Variants in IQUB observed in about 807,000 individuals in gnomAD.
IQUB encodes IQ motif and ubiquitin-like domain-containing protein.
In IQUB, 86 loss-of-function variants were observed where a neutral mutation model predicts 86.4. That is an observed-to-expected ratio of 1.00 (90% CI 0.84 to 1.19). The LOEUF (loss-of-function observed/expected upper bound fraction) is 1.19, where lower values mean the gene tolerates loss of function less well. Ranked by LOEUF, IQUB falls within the 50% of genes most tolerant of loss-of-function variation. IQUB has a pLI of 0.00. For synonymous variants in IQUB, 289 were observed against 304.5 expected (o/e 0.95, Z 0.53); for missense variants, 946 against 916.9 (o/e 1.03, Z -0.41).
rs118085240 is a variant in IQUB, at chr7:123,506,813, T to C, written c.532+3088A>G. On this transcript the variant is annotated intron_variant, in intron 3 of 12. Transcript: ENST00000324698. ...CTCTCTTTTCATAATCAGAAACTCA[T>C]ATAAATTAATTCATGCCACGGTAGA... is the stretch of plus-strand genomic sequence containing the variant. 5.1e-3 allele frequency among the ~76,000 whole-genome samples: 783 copies of C among 152,296 alleles called. 4 individuals are homozygous for C. Among genetic ancestry groups the C allele is most frequent in the Non-Finnish European group, 8.2e-3 (555 of 68,028 alleles).
chr7:123,512,390 T>C (rs1401997049), intron 1 of IQUB, 46 bp from the exon 2 acceptor site: 2 of 1,221,400 alleles, frequency 1.6e-6, no homozygotes, highest in African/African-American at 3.0e-5. Context: ...ATGAAGTTTC[T>C]ACACAAAAAA....
chr7:123,459,460 T>G (rs1401592682), intron 11 of IQUB, among the ~76,000 whole-genome samples: 1 of 151,958 alleles, frequency 6.6e-6, no homozygotes, highest in Non-Finnish European at 1.5e-5. Flanking sequence ...GTTCACCCTG[T>G]CCCCAAGTAA....
chr7:123,513,618 T>C (rs1396673442), intron 1 of IQUB, among the ~76,000 whole-genome samples: 2 of 152,006 alleles, frequency 1.3e-5, no homozygotes, highest in African/African-American at 2.4e-5. Flanking sequence ...GAAGGAAAAA[T>C]AGAAAGATAG....
rs150359350 is a variant in IQUB at position 123,521,651 on chromosome 7, AACAC to A, written c.-4-9311_-4-9308del. ...GATGGAGTGAGACCCTGTCTAAATA[AACAC>A]ACACACACACACACACACACACACA... is the stretch of plus-strand genomic sequence containing the variant. On this transcript the variant is annotated intron_variant, in intron 1 of 12. Transcript: ENST00000324698. Among the ~76,000 whole-genome samples, 677 of 144,408 alleles carry A rather than the reference AACAC, an allele frequency of 4.7e-3. 6 individuals are homozygous for A. Among genetic ancestry groups the A allele is most frequent in the African/African-American group, 0.013 (502 of 38,684 alleles). The allele number at this position is 144,408 out of a possible 152,430, so 94.7% of individuals were successfully genotyped here.
chr7:123,506,922 C>G (rs1412196793), intron 3 of IQUB, among the ~76,000 whole-genome samples: 1 of 152,150 alleles, frequency 6.6e-6, no homozygotes, highest in Non-Finnish European at 1.5e-5. Flanking sequence ...ACTCCTCCCC[C>G]ATCTGCCCAG....
At chr7:123,512,557 A>G (rs1160937449) in intron 1 of IQUB, among the ~76,000 whole-genome samples, 1 of 152,218 alleles carries the variant, frequency 6.6e-6, no homozygotes, top group East Asian at 1.9e-4. Context: ...ATGGAAAAAC[A>G]TTTTTTAATA....
chr7:123,485,019 G>A (rs1795159485), intron 7 of IQUB, among the ~76,000 whole-genome samples: 1 of 152,068 alleles, frequency 6.6e-6, no homozygotes, highest in Non-Finnish European at 1.5e-5. Context: ...GAGACACTGG[G>A]TGAGGACAAG....
intron 11 of IQUB, among the ~76,000 whole-genome samples, chr7:123,461,046 G>A (rs1401257984): frequency 6.6e-6 from 1 of 150,676 alleles, no homozygotes; most frequent in Non-Finnish European, 1.5e-5. Flanking sequence ...GTCACATTTG[G>A]TTTACACTAA....
At position 123,503,031 on chromosome 7, in the gene IQUB, T is replaced by C. The variant is rs1186248573; in HGVS notation, c.780A>G (p.Val260=). The stretch of plus-strand genomic sequence containing the variant: ...CAGCATTGTGATACTCTACTCCTGT[T>C]ACTTTATGTCTGAATCCACCAAGAA... ...KPFLGGFRHK[V]TGVEYHNAGT... is the part of the protein sequence containing the mutation. The change falls in exon 5 of 13, where the codon GTA becomes GTG. Residue 260 remains valine, a synonymous_variant. Transcript: ENST00000324698. 6.2e-7 allele frequency: 1 copy of C among 1,613,186 alleles called. No homozygotes were observed. Among genetic ancestry groups the C allele is most frequent in the South Asian group, 1.1e-5 (1 of 91,058 alleles).
At chr7:123,504,445 T>C (rs2117216142) in intron 3 of IQUB, among the ~76,000 whole-genome samples, 1 of 151,798 alleles carries the variant, frequency 6.6e-6, no homozygotes, top group South Asian at 2.1e-4. Flanking sequence ...CAAAACTCTG[T>C]CTCGAAAAAA....
intron 2 of IQUB, among the ~76,000 whole-genome samples, chr7:123,510,304 G>C (rs1796362074): frequency 6.6e-6 from 1 of 152,034 alleles, no homozygotes; most frequent in African/African-American, 2.4e-5. Context: ...GTATCATTCA[G>C]ATATAAGCAT....
chr7:123,504,792 T>C (rs1796103428), intron 3 of IQUB, among the ~76,000 whole-genome samples: 1 of 152,168 alleles, frequency 6.6e-6, no homozygotes, highest in Admixed American at 6.5e-5. Flanking sequence ...TCCTGGCTCC[T>C]GTCAAATCTC....
At chr7:123,485,988 G>A (rs1795199573) in intron 7 of IQUB, among the ~76,000 whole-genome samples, 1 of 152,146 alleles carries the variant, frequency 6.6e-6, no homozygotes, top group Non-Finnish European at 1.5e-5. Flanking sequence ...TATTCCAGAT[G>A]ACAAACACAG....
At position 123,452,755 on chromosome 7, in the gene IQUB, C is replaced by A; in HGVS notation, c.2364G>T (p.Arg788Ser). 3.1e-6 allele frequency: 5 copies of A among 1,611,838 alleles called. No individual in the cohort carries two copies. The highest frequency in any genetic ancestry group is 4.2e-6 in the Non-Finnish European group (5 of 1,178,518). ...ACTCCTGGATCACCTAATGAGGAGG[C>A]CTCTGGGATTCTATAATCTTAGGTG... is the stretch of plus-strand genomic sequence containing the variant. ...DTTPKIIESQ[R>S]PPH Residue 788 changes from arginine (R) to serine (S), a missense_variant, in exon 13 of 13, where the codon AGG becomes AGT. Physicochemically the swap from Arg to Ser is moderately radical, Grantham distance 110. Transcript: ENST00000324698.
In IQUB at chr7:123,457,629, C is replaced by T. The variant is rs1793768468; in HGVS notation, c.2008-63G>A. On this transcript the variant is annotated intron_variant, in intron 11 of 12. Coordinates refer to ENST00000324698, the MANE Select transcript of IQUB (RefSeq NM_178827.5). Reference sequence around the variant, plus strand: ...AAATTTGTTTAAGATTATTATATTACTTGAGCAAATAATTAAATTATAGAG... The same window carrying T: ...AAATTTGTTTAAGATTATTATATTATTTGAGCAAATAATTAAATTATAGAG... 7 of 1,184,616 alleles carry T rather than the reference C, an allele frequency of 5.9e-6. No individual in the cohort carries two copies. In the East Asian group the frequency reaches 1.5e-4, roughly 26 times the overall value. The allele number at this position is 1,184,616 out of a possible 1,614,324, so 73.4% of individuals were successfully genotyped here.
intron 7 of IQUB, among the ~76,000 whole-genome samples, chr7:123,481,500 A>T (rs1181331054): frequency 6.6e-6 from 1 of 152,116 alleles, no homozygotes; most frequent in Non-Finnish European, 1.5e-5. Context: ...AGTACTAAAA[A>T]TCTGAAAGGA....
intron 9 of IQUB, among the ~76,000 whole-genome samples, chr7:123,466,678 A>G (rs922927475): frequency 2.6e-5 from 4 of 152,128 alleles, no homozygotes; most frequent in African/African-American, 9.7e-5. Context: ...CGTTCTTTAC[A>G]GTTAGGAGTA....
rs113790136 is a variant in IQUB at position 123,462,589 on chromosome 7, C to T, written c.1759-984G>A. On this transcript the variant is annotated intron_variant, in intron 10 of 12. Coordinates refer to ENST00000324698, the MANE Select transcript of IQUB (RefSeq NM_178827.5). The stretch of plus-strand genomic sequence containing the variant: ...ATGTAAATTTAAAAGGTAGTCAATT[C>T]TTCGAGAGAAAAGAAGAGTGATCTA... 2.0e-5 allele frequency: 4 copies of T among 198,558 alleles called. No individual in the cohort carries two copies. In the South Asian group the frequency reaches 3.2e-4, roughly 16 times the overall value. 12.3% of individuals were successfully genotyped at this position (198,558 alleles called of 1,614,324 possible). A position where few individuals can be genotyped will look rare whatever the true frequency, so the allele number is the denominator to read the frequency against.
chr7:123,510,093 T>C, intron 2 of IQUB, 58 bp from the exon 3 acceptor site: 1 of 1,101,254 alleles, frequency 9.1e-7, no homozygotes, highest in Non-Finnish European at 1.3e-6. Context: ...GTCAGCAAAC[T>C]ACAGTCCACA....
Sources: gnomAD v4.1 joint callset for allele counts (sites outside exome capture counted in the v4.1 genomes callset) on GRCh38, gnomAD v4.1.1 for gene constraint, MANE v1.5 for transcripts, NCBI Gene and HGNC (gene_info 2026-07-23, HGNC 2026-07-21) for gene names.